Variants in WWOX observed in about 807,000 individuals in gnomAD.
WWOX encodes the protein WW domain containing oxidoreductase.
A neutral mutation model predicts 46.2 loss-of-function variants in WWOX; 69 were observed. That is an observed-to-expected ratio of 1.49 (90% CI 1.23 to 1.82). WWOX has a LOEUF of 1.82. Ranked by LOEUF, WWOX falls within the 40% of genes most tolerant of loss-of-function variation. WWOX has a pLI of 0.00. For missense variants in WWOX, 919 were observed against 542.6 expected (o/e 1.69, Z -6.89); for synonymous variants, 359 against 202.6 (o/e 1.77, Z -6.56).
intron 8 of WWOX, among the ~76,000 whole-genome samples, chr16:79,047,621 C>A (rs1267490865): frequency 6.7e-6 from 1 of 149,718 alleles, no homozygotes; most frequent in Admixed American, 6.6e-5. Context: ...AATCGATTCC[C>A]TTACAGTTCT....
At chr16:78,871,552 G>A (rs1310190431) in intron 8 of WWOX, among the ~76,000 whole-genome samples, 1 of 152,188 alleles carries the variant, frequency 6.6e-6, no homozygotes, top group Non-Finnish European at 1.5e-5. Flanking sequence ...TGACTCTGGA[G>A]CTGTGGTGAC....
chr16:78,377,123 A>T (rs905076278), intron 5 of WWOX, among the ~76,000 whole-genome samples: 1 of 152,258 alleles, frequency 6.6e-6, no homozygotes, highest in Non-Finnish European at 1.5e-5. Context: ...TTCATTAAGA[A>T]CACAGCTATT....
chr16:78,121,109 G>A (rs1369335024), intron 4 of WWOX, among the ~76,000 whole-genome samples: 2 of 152,040 alleles, frequency 1.3e-5, no homozygotes, highest in African/African-American at 4.8e-5. Flanking sequence ...TGAAATGCCT[G>A]ATTAGTTTCC....
chr16:78,625,522 A>C (rs1441555353), intron 8 of WWOX, among the ~76,000 whole-genome samples: 1 of 152,128 alleles, frequency 6.6e-6, no homozygotes, highest in Non-Finnish European at 1.5e-5. Flanking sequence ...AGACTGTAGT[A>C]CCAAGTTCCC....
chr16:78,841,384 A>C (rs191853534), intron 8 of WWOX, among the ~76,000 whole-genome samples: 2 of 152,338 alleles, frequency 1.3e-5, no homozygotes, highest in East Asian at 1.9e-4. Flanking sequence ...CGAGCAGCTC[A>C]TGAGAGCAGA....
At chr16:78,527,202 C>G (rs934152756) in intron 8 of WWOX, among the ~76,000 whole-genome samples, 3 of 151,940 alleles carry the variant, frequency 2.0e-5, no homozygotes, top group Non-Finnish European at 2.9e-5. Context: ...ATGAACAACC[C>G]CACACAACCT....
chr16:79,167,600 G>T (rs1372060070), intron 8 of WWOX, among the ~76,000 whole-genome samples: 3 of 152,182 alleles, frequency 2.0e-5, no homozygotes, highest in Admixed American at 6.5e-5. Context: ...AGGCAGCGAA[G>T]CGAATGCCCA....
chr16:78,651,642 G>A (rs1391105782), intron 8 of WWOX, among the ~76,000 whole-genome samples: 1 of 152,180 alleles, frequency 6.6e-6, no homozygotes, highest in Non-Finnish European at 1.5e-5. Flanking sequence ...CCCAGCTCAT[G>A]TCCCCAGGCC....
chr16:78,935,419 C>G (rs1238337624), intron 8 of WWOX, among the ~76,000 whole-genome samples: 1 of 152,036 alleles, frequency 6.6e-6, no homozygotes, highest in East Asian at 1.9e-4. Context: ...GAATACTACA[C>G]AGCCATAAAA....
intron 8 of WWOX, among the ~76,000 whole-genome samples, chr16:78,537,519 C>G (rs991227902): frequency 3.3e-5 from 5 of 152,086 alleles, no homozygotes; most frequent in Non-Finnish European, 2.9e-5. Context: ...TATGATTTAC[C>G]TCTTCTCTTG....
In WWOX at chr16:78,349,991, C is replaced by G. The variant is rs1455976632; in HGVS notation, c.517-36869C>G. On this transcript the variant is annotated intron_variant, in intron 5 of 8. Transcript: ENST00000566780. The stretch of plus-strand genomic sequence containing the variant: ...CCATACATATGCCTGCATTTGTACA[C>G]TCTTAAGCCAAATAACATCGTACTG... Among the ~76,000 whole-genome samples, 26 of 121,484 alleles carry G rather than the reference C, an allele frequency of 2.1e-4. 6 individuals are homozygous for G. Among genetic ancestry groups the G allele is most frequent in the Admixed American group, 1.0e-3 (13 of 12,488 alleles). 79.7% of individuals were successfully genotyped at this position (121,484 alleles called of 152,430 possible). A position where few individuals can be genotyped will look rare whatever the true frequency, so the allele number is the denominator to read the frequency against.
chr16:78,445,136 A>G (rs1266459530), intron 8 of WWOX, among the ~76,000 whole-genome samples: 1 of 152,184 alleles, frequency 6.6e-6, no homozygotes, highest in African/African-American at 2.4e-5. Flanking sequence ...GAAAGAAATG[A>G]TACAGGTGTA....
At chr16:78,191,186 C>T (rs2035872358) in intron 5 of WWOX, among the ~76,000 whole-genome samples, 1 of 152,182 alleles carries the variant, frequency 6.6e-6, no homozygotes, top group Admixed American at 6.5e-5. Flanking sequence ...GCCAAGCCCG[C>T]CAGCCACACA....
At chr16:78,875,470 T>G (rs1198536651) in intron 8 of WWOX, among the ~76,000 whole-genome samples, 1 of 152,318 alleles carries the variant, frequency 6.6e-6, no homozygotes, top group African/African-American at 2.4e-5. Context: ...AGCAAATCAG[T>G]TTGACAGTCC....
intron 8 of WWOX, among the ~76,000 whole-genome samples, chr16:78,868,429 A>G (rs1367884298): frequency 1.3e-5 from 2 of 151,984 alleles, no homozygotes; most frequent in South Asian, 2.1e-4. Context: ...GGTCAAGAAA[A>G]TGTTCTAGGA....
intron 8 of WWOX, chr16:78,896,454 T>C (rs992912057): frequency 2.0e-5 from 3 of 152,070 alleles, no homozygotes; most frequent in Admixed American, 2.0e-4. Context: ...CACCGCAAAC[T>C]TGTGAGGCCA....
At chr16:78,887,898 T>TA (rs774680979) in intron 8 of WWOX, among the ~76,000 whole-genome samples, 6 of 152,182 alleles carry the variant, frequency 3.9e-5, no homozygotes, top group Non-Finnish European at 7.3e-5. Context: ...ACATTTCATG[T>TA]AAAATCTTCT....
intron 4 of WWOX, among the ~76,000 whole-genome samples, chr16:78,140,807 A>G (rs1433836092): frequency 6.6e-6 from 1 of 152,200 alleles, no homozygotes; most frequent in Admixed American, 6.5e-5. Flanking sequence ...GGACTTCAAC[A>G]TATCTTTTTG....
chr16:78,163,639 G>A (rs559915954), intron 4 of WWOX, among the ~76,000 whole-genome samples: 2 of 152,332 alleles, frequency 1.3e-5, no homozygotes, highest in East Asian at 1.9e-4. Flanking sequence ...ATATGGGTGT[G>A]TATGCACGTG....
Sources: allele counts gnomAD v4.1 joint callset (sites outside exome capture counted in the v4.1 genomes callset), GRCh38; gene constraint gnomAD v4.1.1; transcripts MANE v1.5; gene names NCBI Gene and HGNC (gene_info 2026-07-23, HGNC 2026-07-21).